The following DPP6 variants were observed in gnomAD, a reference collection of about 807,000 sequenced individuals.
DPP6 encodes the protein dipeptidyl peptidase like 6, also known as A-type potassium channel modulatory protein DPP6.
DPP6 carries 69 observed loss-of-function variants against 122.6 expected under a neutral mutation model. The observed-to-expected ratio is 0.56, with a 90% CI of 0.46 to 0.69. The LOEUF (loss-of-function observed/expected upper bound fraction) is 0.69, where lower values mean the gene tolerates loss of function less well. Among genes scored for constraint, DPP6 ranks in the 30% least tolerant of loss-of-function variants. DPP6 has a pLI of 0.00. For missense variants in DPP6, 928 were observed against 1,116.9 expected, an observed-to-expected ratio of 0.83 and a Z score of 2.41; for synonymous variants, 418 against 433.1, an observed-to-expected ratio of 0.97 and a Z score of 0.43.
intron 5 of DPP6, among the ~76,000 whole-genome samples, chr7:154,637,363 T>A (rs1835791080): frequency 6.6e-6 from 1 of 152,224 alleles, no homozygotes; most frequent in African/African-American, 2.4e-5. Context: ...TAAGCCTGCC[T>A]TGACTTCAAT....
intron 5 of DPP6, among the ~76,000 whole-genome samples, chr7:154,585,987 C>A (rs1045975969): frequency 6.6e-6 from 1 of 152,058 alleles, no homozygotes; most frequent in African/African-American, 2.4e-5. Flanking sequence ...ATGAAAGAAC[C>A]CCCTAAGTGC....
chr7:153,988,989 A>G lies in DPP6; in HGVS notation c.51+101255A>G, dbSNP rs541933237. Among the ~76,000 whole-genome samples, 522 of 150,364 alleles carry G rather than the reference A, an allele frequency of 3.5e-3. 2 individuals are homozygous for G. Among genetic ancestry groups the G allele is most frequent in the African/African-American group, 0.012 (489 of 41,138 alleles). ...ATTTCTCCGCGCAGAAAAAGGGATT[A>G]GCGTTTTCACCTGGTGGGGATTTCA... On this transcript the variant is annotated intron_variant, in intron 1 of 25. Transcript: ENST00000404039.
At chr7:154,634,937 G>A (rs1220918225) in intron 5 of DPP6, among the ~76,000 whole-genome samples, 1 of 152,142 alleles carries the variant, frequency 6.6e-6, no homozygotes, top group Admixed American at 6.5e-5. Flanking sequence ...TAAAGCAATG[G>A]ACCTTCAACC....
intron 10 of DPP6, among the ~76,000 whole-genome samples, chr7:154,773,487 T>G (rs563848011): frequency 1.3e-5 from 2 of 152,258 alleles, no homozygotes; most frequent in East Asian, 3.9e-4. Context: ...TAGGATCGAA[T>G]GTAGTGATCT....
intron 7 of DPP6, among the ~76,000 whole-genome samples, chr7:154,683,790 A>G (rs1409418165): frequency 6.6e-6 from 1 of 152,160 alleles, no homozygotes; most frequent in East Asian, 1.9e-4. Context: ...AGCTACATCC[A>G]GTTCCGCAAA....
chr7:153,934,843 CAT>C (rs1430937791), intron 1 of DPP6, among the ~76,000 whole-genome samples: 1 of 152,194 alleles, frequency 6.6e-6, no homozygotes, highest in Non-Finnish European at 1.5e-5. Context: ...ACAGTCTCAG[CAT>C]ATGGTGACCA....
At chr7:154,390,484 G>A (rs943068628) in intron 1 of DPP6, among the ~76,000 whole-genome samples, 1 of 152,136 alleles carries the variant, frequency 6.6e-6, no homozygotes, top group African/African-American at 2.4e-5. Context: ...GAGATTGGAA[G>A]GTGTTGGAGA....
At chr7:153,962,239 G>T (rs71545663) in intron 1 of DPP6, among the ~76,000 whole-genome samples, 3 of 152,044 alleles carry the variant, frequency 2.0e-5, no homozygotes, top group African/African-American at 7.3e-5. Context: ...TTGAAGACTA[G>T]TCCTGTGAAA....
At chr7:154,210,012 A>G (rs1427073920) in intron 1 of DPP6, among the ~76,000 whole-genome samples, 2 of 152,138 alleles carry the variant, frequency 1.3e-5, no homozygotes, top group Non-Finnish European at 2.9e-5. Context: ...AAACACCTCT[A>G]TCTTCAAACT....
chr7:154,821,887 C>T lies in DPP6; in HGVS notation c.1666+14775C>T, dbSNP rs1053359685. 6.6e-6 allele frequency among the ~76,000 whole-genome samples: 1 copy of T among 152,080 alleles called. No individual in the cohort carries two copies. Among genetic ancestry groups the T allele is most frequent in the Admixed American group, 6.6e-5 (1 of 15,256 alleles). ...GTTACAGCCTCTTGTTAATCACCGT[C>T]ATCCTCCAGGAAATTCACAGTAAGC... is the stretch of plus-strand genomic sequence containing the variant. On this transcript the variant is annotated intron_variant, in intron 16 of 25. Coordinates refer to ENST00000377770, the MANE Select transcript of DPP6 (RefSeq NM_130797.4). This position sits in a 1 kb window ranked among gnomAD's most constrained non-coding sequence, Gnocchi z 4.2.
the DPP6 span, among the ~76,000 whole-genome samples, chr7:153,864,522 G>T: frequency 6.6e-6 from 1 of 152,064 alleles, no homozygotes; most frequent in African/African-American, 2.4e-5. Flanking sequence ...TGGGCATGGT[G>T]GTGGGCGCCT....
chr7:153,825,932 C>T, the DPP6 span, among the ~76,000 whole-genome samples: 6 of 152,206 alleles, frequency 3.9e-5, no homozygotes, highest in South Asian at 2.1e-4. Context: ...TAAATATTGG[C>T]CAAATAAAAT....
chr7:154,614,491 T>C (rs1349904745), intron 5 of DPP6, among the ~76,000 whole-genome samples: 2 of 152,172 alleles, frequency 1.3e-5, no homozygotes, highest in Non-Finnish European at 2.9e-5. Context: ...CAGAGTACTG[T>C]GTGTGGTTGT....
chr7:154,819,231 A>G (rs2150492813), intron 16 of DPP6, among the ~76,000 whole-genome samples: 1 of 152,316 alleles, frequency 6.6e-6, no homozygotes, highest in Admixed American at 6.5e-5. Context: ...CCTGGCCAAT[A>G]TGGTGAAACC....
At chr7:154,283,839 G>T (rs1371463864) in intron 1 of DPP6, among the ~76,000 whole-genome samples, 2 of 152,234 alleles carry the variant, frequency 1.3e-5, no homozygotes, top group South Asian at 4.1e-4. Flanking sequence ...TGGGACATTT[G>T]CTCCTTATTC....
At chr7:154,370,715 T>G (rs568340765) in intron 1 of DPP6, among the ~76,000 whole-genome samples, 1 of 152,362 alleles carries the variant, frequency 6.6e-6, no homozygotes, top group African/African-American at 2.4e-5. Context: ...TCAATTTCTT[T>G]GCAGAAATAC....
chr7:154,333,388 G>A (rs1329292082), intron 1 of DPP6, among the ~76,000 whole-genome samples: 3 of 152,066 alleles, frequency 2.0e-5, no homozygotes, highest in African/African-American at 7.2e-5. Flanking sequence ...GACTGGTCTT[G>A]CCAATATAGC....
chr7:154,164,936 A>C (rs2150715531), intron 1 of DPP6, among the ~76,000 whole-genome samples: 1 of 152,220 alleles, frequency 6.6e-6, no homozygotes, highest in South Asian at 2.1e-4. Flanking sequence ...GTTATGCTCA[A>C]GTTTTTATGT....
intron 1 of DPP6, chr7:153,887,747 G>A: frequency 2.5e-6 from 4 of 1,612,922 alleles, no homozygotes; most frequent in East Asian, 2.2e-5. Flanking sequence ...GAGTGCCACG[G>A]ACAGGGCGCG....
Sources: gnomAD v4.1 joint callset for allele counts (sites outside exome capture counted in the v4.1 genomes callset) on GRCh38, gnomAD v4.1.1 for gene constraint, Gnocchi (gnomAD v3.1) non-coding constraint, MANE v1.5 for transcripts, NCBI Gene and HGNC (gene_info 2026-07-23, HGNC 2026-07-21) for gene names.